Variants in STX4 observed in about 807,000 individuals in gnomAD.
STX4 encodes syntaxin 4.
A neutral mutation model predicts 41.8 loss-of-function variants in STX4; 24 were observed. That is an observed-to-expected ratio of 0.57 (90% confidence interval 0.42 to 0.81). STX4 has a LOEUF of 0.81. Ranked by LOEUF, STX4 falls within the 30% of genes least tolerant of loss-of-function variation. The pLI is 0.00. For missense variants in STX4, 316 were observed against 389.9 expected (o/e 0.81, Z 1.60); for synonymous variants, 158 against 156.4 (o/e 1.01, Z -0.08).
rs2056773081 is a variant in STX4 at position 31,033,628 on chromosome 16, G to T, written c.-178G>T. On this transcript the variant is annotated 5_prime_UTR_variant, in exon 1 of 11. Transcript: ENST00000313843. The surrounding 1 kb of genome is among the most constrained non-coding windows in gnomAD (Gnocchi z 5.5). ...CCTGTGGAACCTTGGGGGGTCCCCG[G>T]GGTCGGCGCCTTCCCATTGACTGTG... 6 of 1,476,778 alleles carry T rather than the reference G, an allele frequency of 4.1e-6. No individual in the cohort carries two copies. The South Asian group carries it at 8.1e-5, about 20-fold the overall frequency. 91.5% of individuals were successfully genotyped at this position (1,476,778 alleles called of 1,614,324 possible). A position where few individuals can be genotyped will look rare whatever the true frequency, so the allele number is the denominator to read the frequency against.
In STX4 at chr16:31,033,673, C is replaced by G; in HGVS notation, c.-133C>G. On this transcript the variant is annotated 5_prime_UTR_variant, in exon 1 of 11. Coordinates refer to ENST00000313843, the MANE Select transcript of STX4 (RefSeq NM_004604.5). The surrounding 1 kb of genome is among the most constrained non-coding windows in gnomAD (Gnocchi z 5.5). ...ACTGTGGGCGGTGCAAGGGACGGAG[C>G]CTCTGGCGGCTCGTGGGGGTGTTGG... 3 of 1,449,966 alleles carry G rather than the reference C, an allele frequency of 2.1e-6. No homozygotes were observed. Among genetic ancestry groups the G allele is most frequent in the Non-Finnish European group, 2.7e-6 (3 of 1,104,472 alleles). 89.8% of individuals were successfully genotyped at this position (1,449,966 alleles called of 1,614,324 possible).
chr16:31,039,409 T>C lies in STX4; in HGVS notation c.703-132T>C. 4.8e-6 allele frequency: 4 copies of C among 841,518 alleles called. No homozygotes were observed. Among genetic ancestry groups the C allele is most frequent in the Non-Finnish European group, 5.5e-6 (3 of 541,908 alleles). 52.1% of individuals were successfully genotyped at this position (841,518 alleles called of 1,614,324 possible). A position where few individuals can be genotyped will look rare whatever the true frequency, so the allele number is the denominator to read the frequency against. ...AGCCATCCCCAAGGAGTCTGAACTT[T>C]TGTCAGATCAAGTCTTGCCCTTGTC... is the stretch of plus-strand genomic sequence containing the variant. On this transcript the variant is annotated intron_variant, in intron 8 of 10. Coordinates refer to ENST00000313843, the MANE Select transcript of STX4 (RefSeq NM_004604.5). This position sits in a 1 kb window ranked among gnomAD's most constrained non-coding sequence, Gnocchi z 4.1.
In STX4 at chr16:31,033,572, A is replaced by T. The variant is rs1163491710; in HGVS notation, c.-234A>T. On this transcript the variant is annotated 5_prime_UTR_variant, in exon 1 of 11. Coordinates refer to ENST00000313843, the MANE Select transcript of STX4 (RefSeq NM_004604.5). The surrounding 1 kb of genome is among the most constrained non-coding windows in gnomAD (Gnocchi z 5.5). Reference sequence around the variant, plus strand: ...GGAGGGGCGGGGCTGAGGCTGCGGGAGCTGGAGCGGGGAAGAAAAGGGAAT... The same window carrying T: ...GGAGGGGCGGGGCTGAGGCTGCGGGTGCTGGAGCGGGGAAGAAAAGGGAAT... The T allele has an allele frequency of 6.5e-7, 1 of 1,541,258 alleles. No homozygotes were observed. The highest frequency in any genetic ancestry group is 1.2e-5 in the South Asian group (1 of 83,548).
In STX4 at chr16:31,039,429, C is replaced by T; in HGVS notation, c.703-112C>T. 1 of 1,087,534 alleles carries T rather than the reference C, an allele frequency of 9.2e-7. No individual in the cohort carries two copies. Among genetic ancestry groups the T allele is most frequent in the Non-Finnish European group, 1.3e-6 (1 of 746,826 alleles). 67.4% of individuals were successfully genotyped at this position (1,087,534 alleles called of 1,614,324 possible). On this transcript the variant is annotated intron_variant, in intron 8 of 10. Transcript: ENST00000313843. The surrounding 1 kb of genome is among the most constrained non-coding windows in gnomAD (Gnocchi z 4.1). Reference sequence around the variant, plus strand: ...AACTTTTGTCAGATCAAGTCTTGCCCTTGTCTTTGTTAGTGCAATTTTTTT... The same window carrying T: ...AACTTTTGTCAGATCAAGTCTTGCCTTTGTCTTTGTTAGTGCAATTTTTTT...
intron 5 of STX4, among the ~76,000 whole-genome samples, chr16:31,036,674 G>C (rs1438114736): frequency 6.6e-6 from 1 of 152,136 alleles, no homozygotes; most frequent in Non-Finnish European, 1.5e-5. Flanking sequence ...AAGAGCAGGG[G>C]AAGAGGGACT....
chr16:31,033,904 G>C lies in STX4; in HGVS notation c.30+69G>C. 1 of 1,457,224 alleles carries C rather than the reference G, an allele frequency of 6.9e-7. No homozygotes were observed. Among genetic ancestry groups the C allele is most frequent in the Admixed American group, 2.8e-5 (1 of 35,496 alleles). The allele number at this position is 1,457,224 out of a possible 1,614,324, so 90.3% of individuals were successfully genotyped here. On this transcript the variant is annotated intron_variant, in intron 1 of 10. Coordinates refer to ENST00000313843, the MANE Select transcript of STX4 (RefSeq NM_004604.5). The surrounding 1 kb of genome is among the most constrained non-coding windows in gnomAD (Gnocchi z 5.5). ...GGAACGCAGGACTTCTGGTCTTCGG[G>C]ATAGGGAGGGGTGGCTGATGGCCAG...
At position 31,034,057 on chromosome 16, in the gene STX4, G is replaced by T; in HGVS notation, c.75G>T (p.Leu25=). ...AAGAGGACAAGGAGCGGGTCGCGCT[G>T]GTGGTGCACCCGGGCACGGCACGGC... ...SDEEDKERVA[L]VVHPGTARLG... is the part of the protein sequence containing the mutation. The change falls in exon 2 of 11, where the codon CTG becomes CTT. Residue 25 remains leucine, a synonymous_variant. Coordinates refer to ENST00000313843, the MANE Select transcript of STX4 (RefSeq NM_004604.5). 6.2e-7 allele frequency: 1 copy of T among 1,610,028 alleles called. No homozygotes were observed. The highest frequency in any genetic ancestry group is 2.2e-5 in the East Asian group (1 of 44,778).
chr16:31,034,182 G>A (rs1469701322), intron 2 of STX4, 44 bp from the exon 3 acceptor site: 1 of 1,613,732 alleles, frequency 6.2e-7, no homozygotes, highest in South Asian at 1.1e-5. Context: ...GCGTGGTCTG[G>A]AGTACCCCAT....
In STX4 at chr16:31,034,300, C is replaced by G; in HGVS notation, c.207C>G (p.Ile69Met). The G allele has an allele frequency of 6.2e-7, 1 of 1,614,196 alleles. No homozygotes were observed. The highest frequency in any genetic ancestry group is 8.5e-7 in the Non-Finnish European group (1 of 1,180,032). Reference sequence around the variant, plus strand: ...AGTTGGAGAAACAGCAGGTCACCATCCTGGCCACGCCCCTTCCCGAGGAGA... The same window carrying G: ...AGTTGGAGAAACAGCAGGTCACCATGCTGGCCACGCCCCTTCCCGAGGAGA... Reference protein sequence around the residue: ...VQELEKQQVTILATPLPEESM... With the variant: ...VQELEKQQVTMLATPLPEESM... Residue 69 changes from isoleucine (I) to methionine (M), a missense_variant, in exon 3 of 11, where the codon ATC becomes ATG. Physicochemically the swap from Ile to Met is conservative, Grantham distance 10 (BLOSUM62 1). Transcript: ENST00000313843.
rs1307775925 is a variant in STX4 at position 31,039,268 on chromosome 16, A to G, written c.703-273A>G. 12 of 432,944 alleles carry G rather than the reference A, an allele frequency of 2.8e-5. No individual in the cohort carries two copies. Among genetic ancestry groups the G allele is most frequent in the Non-Finnish European group, 4.7e-5 (11 of 236,368 alleles). The allele number at this position is 432,944 out of a possible 1,614,324, so 26.8% of individuals were successfully genotyped here. On this transcript the variant is annotated intron_variant, in intron 8 of 10. Transcript: ENST00000313843. The surrounding 1 kb of genome is among the most constrained non-coding windows in gnomAD (Gnocchi z 4.1). ...CAGATTTGTGAAGGCACAGTTCACCATCTGTGAAAGGTATGAGCCATTTGA... is the reference window on the plus strand; with the variant it reads ...CAGATTTGTGAAGGCACAGTTCACCGTCTGTGAAAGGTATGAGCCATTTGA...
In STX4 at chr16:31,033,767, T is replaced by TGTCGAGTCA. The variant is rs2056774664; in HGVS notation, c.-39_-38insGTCGAGTCA. 1.4e-6 allele frequency: 2 copies of TGTCGAGTCA among 1,448,970 alleles called. No individual in the cohort carries two copies. Among genetic ancestry groups the TGTCGAGTCA allele is most frequent in the African/African-American group, 2.9e-5 (2 of 69,416 alleles). The allele number at this position is 1,448,970 out of a possible 1,614,324, so 89.8% of individuals were successfully genotyped here. On this transcript the variant is annotated 5_prime_UTR_variant, in exon 1 of 11. Transcript: ENST00000313843. The surrounding 1 kb of genome is among the most constrained non-coding windows in gnomAD (Gnocchi z 5.5). The stretch of plus-strand genomic sequence containing the variant: ...TACGGGAATTCCAAATTTGAGGGCC[T>TGTCGAGTCA]CCCGGCTCTGGCGCCGGGGAGGGAG...
chr16:31,039,770 A>G lies in STX4; in HGVS notation c.861A>G (p.Leu287=). 1 of 1,614,180 alleles carries G rather than the reference A, an allele frequency of 6.2e-7. No homozygotes were observed. Among genetic ancestry groups the G allele is most frequent in the Middle Eastern group, 1.6e-4 (1 of 6,062 alleles). The part of the protein sequence containing the change: ...AICVSITVVL[L]AVIIGVTVVG ...GTGTGTCCATCACCGTCGTCCTCCT[A>G]GCAGTCATCATTGGCGTCACAGTGG... Residue 287 remains leucine (L), a synonymous_variant, in exon 10 of 11, where the codon CTA becomes CTG. Transcript: ENST00000313843. The surrounding 1 kb of genome is among the most constrained non-coding windows in gnomAD (Gnocchi z 4.1).
upstream of STX4, chr16:31,033,453 G>C (rs995575622): frequency 6.5e-7 from 1 of 1,545,782 alleles, no homozygotes; most frequent in African/African-American, 1.4e-5. The surrounding 1 kb of genome is among the most constrained non-coding windows in gnomAD (Gnocchi z 5.5). Flanking sequence ...AGGCATCTCC[G>C]CTTCCGCTCG....
Position 31,039,465 on chromosome 16 carries a change from G to T in STX4, c.703-76G>T. 6.8e-7 allele frequency: 1 copy of T among 1,474,398 alleles called. No homozygotes were observed. Among genetic ancestry groups the T allele is most frequent in the Non-Finnish European group, 9.3e-7 (1 of 1,074,252 alleles). The allele number at this position is 1,474,398 out of a possible 1,614,324, so 91.3% of individuals were successfully genotyped here. On this transcript the variant is annotated intron_variant, in intron 8 of 10. Coordinates refer to ENST00000313843, the MANE Select transcript of STX4 (RefSeq NM_004604.5). This position sits in a 1 kb window ranked among gnomAD's most constrained non-coding sequence, Gnocchi z 4.1. ...TAGTGCAATTTTTTTTTCCTGCCAG[G>T]AATGTTCTTCAGTCATCTGGGGTGG...
In STX4 at chr16:31,033,979, G is replaced by A. The variant is rs758358064; in HGVS notation, c.31-34G>A. The A allele has an allele frequency of 3.3e-6, 5 of 1,536,218 alleles. No homozygotes were observed. The highest frequency in any genetic ancestry group is 2.3e-5 in the East Asian group (1 of 43,048). ...GGTCCTGCGGGGTAAGAGCCGCAGC[G>A]AAACGGTGGTGCCAATGACTCCGGG... On this transcript the variant is annotated intron_variant, in intron 1 of 10. Coordinates refer to ENST00000313843, the MANE Select transcript of STX4 (RefSeq NM_004604.5). The surrounding 1 kb of genome is among the most constrained non-coding windows in gnomAD (Gnocchi z 5.5).
intron 5 of STX4, among the ~76,000 whole-genome samples, chr16:31,036,459 C>G (rs1013745364): frequency 6.6e-6 from 1 of 152,082 alleles, no homozygotes; most frequent in African/African-American, 2.4e-5. Context: ...GGCGTAGGAG[C>G]TGTGGTGTAG....
At chr16:31,033,336 C>A, upstream of STX4, 2 of 785,868 alleles carry the variant, frequency 2.5e-6, no homozygotes, top group East Asian at 2.7e-5. This position sits in a 1 kb window ranked among gnomAD's most constrained non-coding sequence, Gnocchi z 5.5. Context: ...ATGTGAGATG[C>A]GGGTGTCTCG....
At position 31,034,085 on chromosome 16, in the gene STX4, G is replaced by C; in HGVS notation, c.103G>C (p.Gly35Arg). The C allele has an allele frequency of 6.2e-7, 1 of 1,610,106 alleles. No homozygotes were observed. The highest frequency in any genetic ancestry group is 8.5e-7 in the Non-Finnish European group (1 of 1,177,478). The change falls in exon 2 of 11, where the codon GGG becomes CGG. Residue 35 changes from glycine to arginine, a missense_variant. Gly to Arg is a moderately radical substitution (Grantham distance 125). Transcript: ENST00000313843. Reference sequence around the variant, plus strand: ...GGTGCACCCGGGCACGGCACGGCTGGGGAGCCCGGACGAGGAGTTCTTCCA... The same window carrying C: ...GGTGCACCCGGGCACGGCACGGCTGCGGAGCCCGGACGAGGAGTTCTTCCA... ...LVVHPGTARL[G>R]SPDEEFFHKV... is the part of the protein sequence containing the mutation.
intron 5 of STX4, 84 bp downstream of exon 5, chr16:31,035,124 G>A (rs1567388889): frequency 9.8e-6 from 11 of 1,117,690 alleles, no homozygotes; most frequent in Non-Finnish European, 1.4e-5. Flanking sequence ...GGAAGGGCCT[G>A]CAGAGATCAT....
Sources: gnomAD v4.1 joint callset for allele counts (sites outside exome capture counted in the v4.1 genomes callset) on GRCh38, gnomAD v4.1.1 for gene constraint, Gnocchi (gnomAD v3.1) non-coding constraint, MANE v1.5 for transcripts, NCBI Gene and HGNC (gene_info 2026-07-23, HGNC 2026-07-21) for gene names.